EML6: variants seen among roughly 807,000 people sequenced by gnomAD.
The protein encoded by EML6 is EMAP like 6.
Under a neutral mutation model 240.1 loss-of-function variants are expected in EML6, and 154 were observed. The observed-to-expected ratio is 0.64, with a 90% CI of 0.56 to 0.73. The LOEUF (loss-of-function observed/expected upper bound fraction) is 0.73. EML6 is among the 30% of genes least tolerant of loss of function. EML6 has a pLI of 0.00. For missense variants in EML6, 2,964 were observed against 2,474.6 expected (o/e 1.20, Z -4.20); for synonymous variants, 1,148 against 899.0 (o/e 1.28, Z -4.95).
chr2:54,873,428 A>G (rs1671355908), intron 16 of EML6, among the ~76,000 whole-genome samples: 1 of 152,252 alleles, frequency 6.6e-6, no homozygotes, highest in South Asian at 2.1e-4. Context: ...CACAGTCAGT[A>G]ATTCACTCAA....
intron 2 of EML6, among the ~76,000 whole-genome samples, chr2:54,758,563 TC>T (rs1667839085): frequency 6.6e-6 from 1 of 152,184 alleles, no homozygotes; most frequent in Non-Finnish European, 1.5e-5. Flanking sequence ...CCCTGTATTG[TC>T]CCCTAGTATA....
In EML6 at chr2:54,895,288, A is replaced by G. The variant is rs1354407115; in HGVS notation, c.2870A>G (p.Asp957Gly). The G allele has an allele frequency of 1.9e-6, 3 of 1,551,740 alleles. No individual in the cohort carries two copies. The highest frequency in any genetic ancestry group is 2.6e-6 in the Non-Finnish European group (3 of 1,146,916). Residue 957 changes from aspartate to glycine, a missense_variant, in exon 21 of 42, where the codon GAT becomes GGT. Coordinates refer to ENST00000356458, the MANE Select transcript of EML6 (RefSeq NM_001039753.4). ...STSSKGLLLE[D>G]NPSIRAITLG... ...CCTTCCCCAGGCTTGCTTTTGGAAG[A>G]TAACCCTTCAATTCGTGCCATCACT... is the stretch of plus-strand genomic sequence containing the variant.
At chr2:54,781,572 T>C (rs1262668660) in intron 2 of EML6, among the ~76,000 whole-genome samples, 1 of 152,204 alleles carries the variant, frequency 6.6e-6, no homozygotes, top group Non-Finnish European at 1.5e-5. Context: ...TAGAGATTGC[T>C]AAATATGTTT....
rs34531064 is a variant in EML6, at chr2:54,768,167, CTT to C, written c.197+42919_197+42920del. ...TATAGTTCTAAACAGATCAGAAAAACTTTTTTTTTTTGATGATTCATTGGCCT... is the reference window on the plus strand; with the variant it reads ...TATAGTTCTAAACAGATCAGAAAAACTTTTTTTTTGATGATTCATTGGCCT... On this transcript the variant is annotated intron_variant, in intron 2 of 41. Coordinates refer to ENST00000356458, the MANE Select transcript of EML6 (RefSeq NM_001039753.4). Among the ~76,000 whole-genome samples, 5 of 146,946 alleles carry C rather than the reference CTT, an allele frequency of 3.4e-5. No homozygotes were observed. The South Asian group carries it at 1.1e-3, about 32-fold the overall frequency.
At chr2:54,950,893 C>T (rs1283008774) in intron 30 of EML6, 114 bp downstream of exon 30, 3 of 1,128,644 alleles carry the variant, frequency 2.7e-6, no homozygotes, top group Admixed American at 2.7e-5. Context: ...GAGCCATTCC[C>T]CCCAATTCCA....
At chr2:54,826,937 C>T (rs1306147201) in intron 5 of EML6, among the ~76,000 whole-genome samples, 3 of 152,092 alleles carry the variant, frequency 2.0e-5, no homozygotes, top group Non-Finnish European at 2.9e-5. Context: ...CTTTGGGAGG[C>T]CGAGGAGGGC....
At chr2:54,914,471 A>G (rs935120549) in intron 25 of EML6, among the ~76,000 whole-genome samples, 7 of 152,246 alleles carry the variant, frequency 4.6e-5, no homozygotes, top group African/African-American at 1.7e-4. Flanking sequence ...CTGGCTTGGA[A>G]CAGATGAGCA....
intron 28 of EML6, among the ~76,000 whole-genome samples, chr2:54,932,366 T>C (rs1392715965): frequency 5.9e-5 from 9 of 152,198 alleles, no homozygotes; most frequent in African/African-American, 2.2e-4. Context: ...TTTTTTACTT[T>C]TGGGAATCCA....
chr2:54,778,660 G>A (rs962103319), intron 2 of EML6, among the ~76,000 whole-genome samples: 5 of 151,878 alleles, frequency 3.3e-5, no homozygotes, highest in Non-Finnish European at 1.5e-5. Context: ...AGGCCGAGAC[G>A]GGCAGGTCAC....
At chr2:54,841,201 C>G (rs1185256425) in intron 7 of EML6, among the ~76,000 whole-genome samples, 1 of 152,258 alleles carries the variant, frequency 6.6e-6, no homozygotes, top group Non-Finnish European at 1.5e-5. Flanking sequence ...ACTGCTTTCA[C>G]CATACATCTG....
chr2:54,849,633 C>A (rs139203074), intron 9 of EML6, among the ~76,000 whole-genome samples: 1 of 152,164 alleles, frequency 6.6e-6, no homozygotes, highest in Admixed American at 6.5e-5. Flanking sequence ...GGACTACAGG[C>A]GCCTGCCACC....
intron 21 of EML6, among the ~76,000 whole-genome samples, chr2:54,897,209 A>G (rs537962711): frequency 9.2e-5 from 14 of 152,270 alleles, no homozygotes; most frequent in Middle Eastern, 3.4e-3. Flanking sequence ...TAAGATCTAA[A>G]CTTTGTTTTC....
At position 54,928,308 on chromosome 2, in the gene EML6, T is replaced by C. The variant is rs540962661; in HGVS notation, c.3676-5T>C. The C allele has an allele frequency of 1.9e-6, 3 of 1,551,426 alleles. No homozygotes were observed. Among genetic ancestry groups the C allele is most frequent in the Non-Finnish European group, 2.6e-6 (3 of 1,146,850 alleles). On this transcript the variant is annotated splice_polypyrimidine_tract_variant and splice_region_variant and intron_variant, in intron 26 of 41. Transcript: ENST00000356458. Reference sequence around the variant, plus strand: ...TGGGGTAATAACCAATTTCGGGCTTTACAGGGACAGCACGCAAGATTCAAG... The same window carrying C: ...TGGGGTAATAACCAATTTCGGGCTTCACAGGGACAGCACGCAAGATTCAAG...
intron 28 of EML6, among the ~76,000 whole-genome samples, chr2:54,933,393 C>T (rs1674962630): frequency 6.6e-6 from 1 of 152,116 alleles, no homozygotes; most frequent in African/African-American, 2.4e-5. Flanking sequence ...TTACAGTTCA[C>T]CCTTTTCTTG....
intron 28 of EML6, among the ~76,000 whole-genome samples, chr2:54,930,924 C>T (rs895501066): frequency 6.7e-6 from 1 of 149,888 alleles, no homozygotes; most frequent in Non-Finnish European, 1.5e-5. Context: ...TTAGGGGAGA[C>T]TGAACCTCAG....
intron 28 of EML6, 106 bp downstream of exon 28, chr2:54,928,857 C>G (rs1223252578): frequency 1.5e-6 from 2 of 1,340,268 alleles, no homozygotes; most frequent in Non-Finnish European, 2.1e-6. Flanking sequence ...TTAAGTCAGT[C>G]TTTTATAAAT....
At chr2:54,954,764 C>T (rs752751443) in intron 32 of EML6, among the ~76,000 whole-genome samples, 23 of 152,196 alleles carry the variant, frequency 1.5e-4, no homozygotes, top group Non-Finnish European at 2.8e-4. Flanking sequence ...GTGTGGTCAT[C>T]TTAGAACTAA....
chr2:54,969,345 T>C (rs927948256), intron 41 of EML6, among the ~76,000 whole-genome samples: 1 of 152,200 alleles, frequency 6.6e-6, no homozygotes, highest in South Asian at 2.1e-4. Context: ...ACAGGCCTTC[T>C]GATACTTCCT....
chr2:54,923,871 C>T (rs1573151877), intron 26 of EML6, among the ~76,000 whole-genome samples: 1 of 152,042 alleles, frequency 6.6e-6, no homozygotes, highest in South Asian at 2.1e-4. Context: ...TTAAGAATTT[C>T]ATATAAATGA....
Sources: gnomAD v4.1 joint callset for allele counts (sites outside exome capture counted in the v4.1 genomes callset) on GRCh38, gnomAD v4.1.1 for gene constraint, MANE v1.5 for transcripts, NCBI Gene and HGNC (gene_info 2026-07-23, HGNC 2026-07-21) for gene names.